Variants in ALDH6A1 observed in about 807,000 individuals in gnomAD.
ALDH6A1 encodes aldehyde dehydrogenase 6 family member A1.
A neutral mutation model predicts 62.6 loss-of-function variants in ALDH6A1; 43 were observed. The observed-to-expected ratio is 0.69, with a 90% CI of 0.54 to 0.89. The LOEUF is 0.89. ALDH6A1 is among the 40% of genes least tolerant of loss of function. ALDH6A1 has a pLI of 0.00. For synonymous variants in ALDH6A1, 194 were observed against 234.2 expected, an observed-to-expected ratio of 0.83 and a Z score of 1.57; for missense variants, 551 against 661.3, an observed-to-expected ratio of 0.83 and a Z score of 1.83.
rs1197758905 is a variant in ALDH6A1, at chr14:74,060,200, C to T, written c.*442G>A. 6 of 158,058 alleles carry T rather than the reference C, an allele frequency of 3.8e-5. No individual in the cohort carries two copies. The highest frequency in any genetic ancestry group is 1.2e-4 in the Admixed American group (2 of 16,436). The allele number at this position is 158,058 out of a possible 1,614,324, so 9.8% of individuals were successfully genotyped here. The stretch of plus-strand genomic sequence containing the variant: ...TTTCAATTTTTTTAAATAATAGATA[C>T]GGGGTTTCGCCACGTTCTTCAACTC... On this transcript the variant is annotated 3_prime_UTR_variant, in exon 12 of 12. Coordinates refer to ENST00000553458, the MANE Select transcript of ALDH6A1 (RefSeq NM_005589.4).
chr14:74,066,306 T>G (rs1260341998), intron 9 of ALDH6A1, among the ~76,000 whole-genome samples: 1 of 152,324 alleles, frequency 6.6e-6, no homozygotes, highest in East Asian at 1.9e-4. Context: ...TTTTTGCATT[T>G]TTAAATGGTT....
At chr14:74,071,790 A>T in intron 5 of ALDH6A1, 106 bp downstream of exon 5, 1 of 1,488,734 alleles carries the variant, frequency 6.7e-7, no homozygotes, top group Non-Finnish European at 9.4e-7. Flanking sequence ...ATATCATGGG[A>T]TGGCAAAATC....
chr14:74,065,764 C>T, intron 9 of ALDH6A1: 1 of 209,218 alleles, frequency 4.8e-6, no homozygotes, highest in African/African-American at 2.4e-5. Context: ...ACAGAAACCC[C>T]ATGCTGTTTT....
rs1002419864 is a variant in ALDH6A1 at position 74,073,567 on chromosome 14, T to C, written c.112-956A>G. ...CTCTGTTAATAAAGATTAGCTATTA[T>C]GACTTTTTGGCCCAGCTGACTGTTA... On this transcript the variant is annotated intron_variant, in intron 2 of 11. Coordinates refer to ENST00000553458, the MANE Select transcript of ALDH6A1 (RefSeq NM_005589.4). 2.6e-5 allele frequency among the ~76,000 whole-genome samples: 4 copies of C among 152,340 alleles called. No individual in the cohort carries two copies. In the East Asian group the frequency reaches 7.7e-4, roughly 29 times the overall value.
intron 1 of ALDH6A1, among the ~76,000 whole-genome samples, chr14:74,079,280 C>T (rs565451434): frequency 5.7e-4 from 86 of 151,260 alleles, no homozygotes; most frequent in Non-Finnish European, 1.1e-3. Context: ...AATTTGAGAC[C>T]TGCCTGCACT....
intron 1 of ALDH6A1, among the ~76,000 whole-genome samples, chr14:74,075,604 C>A (rs567438258): frequency 6.6e-6 from 1 of 151,882 alleles, no homozygotes; most frequent in Non-Finnish European, 1.5e-5. Context: ...CTGCAGTGAA[C>A]CGTGATTATG....
chr14:74,074,937 T>C lies in ALDH6A1; in HGVS notation c.111+18A>G. The stretch of plus-strand genomic sequence containing the variant: ...GAATTCCTTCTCAGAAGTCAACCTC[T>C]ATGCCAAATAAACTCACCACTGAAG... On this transcript the variant is annotated intron_variant, in intron 2 of 11. Transcript: ENST00000553458. 2 of 1,612,788 alleles carry C rather than the reference T, an allele frequency of 1.2e-6. No individual in the cohort carries two copies. The highest frequency in any genetic ancestry group is 2.7e-5 in the African/African-American group (2 of 75,002).
In ALDH6A1 at chr14:74,071,365, A is replaced by G; in HGVS notation, c.560T>C (p.Phe187Ser). 6.2e-7 allele frequency: 1 copy of G among 1,614,194 alleles called. No individual in the cohort carries two copies. The highest frequency in any genetic ancestry group is 8.5e-7 in the Non-Finnish European group (1 of 1,180,030). The change falls in exon 6 of 12, where the codon TTT (phenylalanine) becomes TCT (serine). Residue 187 changes from phenylalanine to serine, a missense_variant. By Grantham distance (155) the Phe-to-Ser change is radical (BLOSUM62 -2). Transcript: ENST00000553458. ...GVCAGIAPFN[F>S]PAMIPLWMFP... ...CATCCAAAGGGGGATCATGGCAGGA[A>G]AATTGAATGGAGCAATGCCTGCACA...
intron 1 of ALDH6A1, among the ~76,000 whole-genome samples, chr14:74,077,998 C>T (rs1052539766): frequency 3.3e-5 from 5 of 152,104 alleles, no homozygotes; most frequent in African/African-American, 4.8e-5. Flanking sequence ...CCCAACTACT[C>T]GGGAAGCTGA....
At position 74,081,902 on chromosome 14, in the gene ALDH6A1, A is replaced by C. The variant is rs548564534; in HGVS notation, c.48+2445T>G. On this transcript the variant is annotated intron_variant, in intron 1 of 11. Coordinates refer to ENST00000553458, the MANE Select transcript of ALDH6A1 (RefSeq NM_005589.4). The stretch of plus-strand genomic sequence containing the variant: ...TATCACCGACAGTGCAAGTCGCTAC[A>C]TCTCTTCAAGAGTAATTTTCTTGCC... Among the ~76,000 whole-genome samples the C allele has an allele frequency of 4.6e-5, 7 of 152,286 alleles. No individual in the cohort carries two copies. In the South Asian group the frequency reaches 1.5e-3, roughly 32 times the overall value.
intron 8 of ALDH6A1, among the ~76,000 whole-genome samples, 162 bp downstream of exon 8, chr14:74,067,218 A>C (rs2060481040): frequency 2.0e-5 from 3 of 152,206 alleles, no homozygotes; most frequent in Admixed American, 6.5e-5. Flanking sequence ...CTTTAAAAAA[A>C]AAGACTGCTA....
At position 74,057,138 on chromosome 14, in the gene ALDH6A1, T is replaced by C. The variant is rs748100993; in HGVS notation, c.*3504A>G. 1.1e-5 allele frequency: 17 copies of C among 1,609,950 alleles called. No individual in the cohort carries two copies. The highest frequency in any genetic ancestry group is 1.4e-5 in the Non-Finnish European group (16 of 1,177,192). Reference sequence around the variant, plus strand: ...TGACGGTTCTGTTATTTTGTCATTATTGCAGGGATGAAAGTAAGCTTCAAG... The same window carrying C: ...TGACGGTTCTGTTATTTTGTCATTACTGCAGGGATGAAAGTAAGCTTCAAG... On this transcript the variant is annotated 3_prime_UTR_variant, in exon 12 of 12. Coordinates refer to ENST00000553458, the MANE Select transcript of ALDH6A1 (RefSeq NM_005589.4).
At chr14:74,064,627 T>C in intron 11 of ALDH6A1, 195 bp downstream of exon 11, 1 of 1,553,186 alleles carries the variant, frequency 6.4e-7, no homozygotes, top group Non-Finnish European at 8.9e-7. Context: ...CTTTGTTGCT[T>C]TGAATTATTC....
chr14:74,070,931 T>C, intron 6 of ALDH6A1: 1 of 472,914 alleles, frequency 2.1e-6, no homozygotes, highest in South Asian at 2.2e-5. Context: ...AAGAAAAAAG[T>C]TTCTTTTTAA....
intron 9 of ALDH6A1, chr14:74,066,211 A>T (rs2060462063): frequency 5.4e-6 from 1 of 185,828 alleles, no homozygotes; most frequent in African/African-American, 2.4e-5. Flanking sequence ...AACCAGTATA[A>T]GATAAGATAG....
rs9652369 is a variant in ALDH6A1 at position 74,062,957 on chromosome 14, T to A, written c.1503+1865A>T. On this transcript the variant is annotated intron_variant, in intron 11 of 11. Coordinates refer to ENST00000553458, the MANE Select transcript of ALDH6A1 (RefSeq NM_005589.4). ...CAAATGTTTGGGCAGCCTGCTCTGTTCCAGGTACTGCAGATAAGTAGATAA... is the reference window on the plus strand; with the variant it reads ...CAAATGTTTGGGCAGCCTGCTCTGTACCAGGTACTGCAGATAAGTAGATAA... Among the ~76,000 whole-genome samples, 825 of 152,106 alleles carry A rather than the reference T, an allele frequency of 5.4e-3. 9 individuals carry two copies. The highest frequency in any genetic ancestry group is 0.019 in the African/African-American group (800 of 41,490).
chr14:74,074,346 G>T (rs1368154228), intron 2 of ALDH6A1, among the ~76,000 whole-genome samples: 2 of 150,704 alleles, frequency 1.3e-5, no homozygotes, highest in Non-Finnish European at 2.9e-5. Context: ...GAGTGCAATG[G>T]TGCGATCTTG....
At chr14:74,077,460 G>A (rs180900173) in intron 1 of ALDH6A1, among the ~76,000 whole-genome samples, 75 of 152,296 alleles carry the variant, frequency 4.9e-4, no homozygotes, top group Admixed American at 2.2e-3. Flanking sequence ...TCAAGGGAAT[G>A]GCTCTAGCTT....
chr14:74,077,702 G>C (rs1258668535), intron 1 of ALDH6A1, among the ~76,000 whole-genome samples: 2 of 152,110 alleles, frequency 1.3e-5, no homozygotes, highest in African/African-American at 4.8e-5. Flanking sequence ...CCTCCCACTA[G>C]GTCCCAACAC....
Sources: gnomAD v4.1 joint callset for allele counts (sites outside exome capture counted in the v4.1 genomes callset) on GRCh38, gnomAD v4.1.1 for gene constraint, MANE v1.5 for transcripts, NCBI Gene and HGNC (gene_info 2026-07-23, HGNC 2026-07-21) for gene names.